Variants in CDC123 observed in about 807,000 individuals in gnomAD.
The protein encoded by CDC123 is cell division cycle 123, also known as translation initiation factor eIF2 assembly protein.
A neutral mutation model predicts 54.4 loss-of-function variants in CDC123; 37 were observed. The observed-to-expected ratio is 0.68, with a 90% CI of 0.52 to 0.89. The LOEUF is 0.89. Ranked by LOEUF, CDC123 falls within the 40% of genes least tolerant of loss-of-function variation. CDC123 has a pLI of 0.00. For synonymous variants in CDC123, 144 were observed against 136.8 expected, an observed-to-expected ratio of 1.05 and a Z score of -0.37; for missense variants, 361 against 412.1, an observed-to-expected ratio of 0.88 and a Z score of 1.07.
intron 2 of CDC123, among the ~76,000 whole-genome samples, chr10:12,204,497 T>C (rs1281649956): frequency 6.6e-6 from 1 of 152,204 alleles, no homozygotes; most frequent in African/African-American, 2.4e-5. Context: ...TTTTTAGTTT[T>C]TGTGGGTACA....
At chr10:12,249,227 A>G (rs1320681028) in intron 11 of CDC123, among the ~76,000 whole-genome samples, 1 of 151,926 alleles carries the variant, frequency 6.6e-6, no homozygotes. Context: ...GCTTCAGCTC[A>G]GGAGTTCAAG....
intron 10 of CDC123, 116 bp downstream of exon 10, chr10:12,238,601 TGCAGCA>T: frequency 7.9e-7 from 1 of 1,263,482 alleles, no homozygotes; most frequent in Non-Finnish European, 1.1e-6. Context: ...TTTGTCTGGG[TGCAGCA>T]GCTCATGCCT....
chr10:12,246,113 A>G (rs1564260501), intron 10 of CDC123, 36 bp from the exon 11 acceptor site: 1 of 1,602,864 alleles, frequency 6.2e-7, no homozygotes, highest in Non-Finnish European at 8.5e-7. Flanking sequence ...AGTACAGAAG[A>G]TGTTTGTTTT....
At chr10:12,235,792 G>A (rs1835970664) in intron 8 of CDC123, among the ~76,000 whole-genome samples, 2 of 152,196 alleles carry the variant, frequency 1.3e-5, no homozygotes, top group African/African-American at 4.8e-5. Flanking sequence ...GAAAGTTGGG[G>A]TGTTCACATT....
Position 12,250,551 on chromosome 10 carries a change from A to T in CDC123, c.*214A>T. 1.7e-6 allele frequency: 1 copy of T among 593,222 alleles called. No homozygotes were observed. Among genetic ancestry groups the T allele is most frequent in the Non-Finnish European group, 3.1e-6 (1 of 322,694 alleles). 36.7% of individuals were successfully genotyped at this position (593,222 alleles called of 1,614,324 possible). Reference sequence around the variant, plus strand: ...ATAAATAGATCTTAAACATAGGAAAACCATACTGTTCTGATAATAAAATGC... The same window carrying T: ...ATAAATAGATCTTAAACATAGGAAATCCATACTGTTCTGATAATAAAATGC... On this transcript the variant is annotated 3_prime_UTR_variant, in exon 13 of 13. Coordinates refer to ENST00000281141, the MANE Select transcript of CDC123 (RefSeq NM_006023.3).
At chr10:12,243,136 C>T (rs1180315212) in intron 10 of CDC123, among the ~76,000 whole-genome samples, 3 of 151,732 alleles carry the variant, frequency 2.0e-5, no homozygotes, top group Non-Finnish European at 4.4e-5. Context: ...CAGTGGCTCA[C>T]GCCTGTAATC....
At chr10:12,205,201 C>T (rs1588670033) in intron 2 of CDC123, among the ~76,000 whole-genome samples, 1 of 152,116 alleles carries the variant, frequency 6.6e-6, no homozygotes, top group Non-Finnish European at 1.5e-5. Context: ...GCTTACTTCA[C>T]TTAACATAAT....
At chr10:12,244,526 C>T (rs370479410) in intron 10 of CDC123, among the ~76,000 whole-genome samples, 7 of 152,182 alleles carry the variant, frequency 4.6e-5, no homozygotes, top group African/African-American at 1.7e-4. Flanking sequence ...CAGCACAGTG[C>T]CCCCAGCTCA....
In CDC123 at chr10:12,250,493, C is replaced by T. The variant is rs1209454954; in HGVS notation, c.*156C>T. On this transcript the variant is annotated 3_prime_UTR_variant, in exon 13 of 13. Coordinates refer to ENST00000281141, the MANE Select transcript of CDC123 (RefSeq NM_006023.3). ...ATGTACATTCACCTGGGGAAAAAAA[C>T]GGAGGGACTTTGCTACTTGTAAAAA... 5 of 706,866 alleles carry T rather than the reference C, an allele frequency of 7.1e-6. No individual in the cohort carries two copies. The highest frequency in any genetic ancestry group is 7.9e-6 in the Non-Finnish European group (3 of 380,300). The allele number at this position is 706,866 out of a possible 1,614,324, so 43.8% of individuals were successfully genotyped here.
intron 6 of CDC123, among the ~76,000 whole-genome samples, chr10:12,222,692 C>G (rs1429223250): frequency 2.0e-5 from 3 of 152,056 alleles, no homozygotes; most frequent in Non-Finnish European, 4.4e-5. Flanking sequence ...CTCTGAGGGG[C>G]TCATGATGAA....
chr10:12,233,278 T>TACACAC (rs57596982), intron 7 of CDC123, among the ~76,000 whole-genome samples: 10,114 of 145,574 alleles, frequency 0.069, 370 homozygotes, highest in South Asian at 0.12. Context: ...GTATTTAAAA[T>TACACAC]ACACACACAC....
At position 12,223,235 on chromosome 10, in the gene CDC123, G is replaced by A. The variant is rs568090670; in HGVS notation, c.440+5768G>A. Reference sequence around the variant, plus strand: ...GTGTGCAAAATATTTGGAACAGCACGAGAGAAACGGTGTGTTGATTATAAT... The same window carrying A: ...GTGTGCAAAATATTTGGAACAGCACAAGAGAAACGGTGTGTTGATTATAAT... On this transcript the variant is annotated intron_variant, in intron 6 of 12. Coordinates refer to ENST00000281141, the MANE Select transcript of CDC123 (RefSeq NM_006023.3). Among the ~76,000 whole-genome samples, 4 of 152,126 alleles carry A rather than the reference G, an allele frequency of 2.6e-5. No homozygotes were observed. The South Asian group carries it at 8.3e-4, about 32-fold the overall frequency.
At chr10:12,202,120 T>G (rs1835447910) in intron 2 of CDC123, among the ~76,000 whole-genome samples, 1 of 152,160 alleles carries the variant, frequency 6.6e-6, no homozygotes, top group South Asian at 2.1e-4. Flanking sequence ...AAATTTTAAG[T>G]ATAATTTAAA....
chr10:12,249,127 C>CAAA (rs58244020), intron 11 of CDC123, among the ~76,000 whole-genome samples: 5 of 133,970 alleles, frequency 3.7e-5, no homozygotes, highest in East Asian at 2.2e-4. Flanking sequence ...GACTTTGCCT[C>CAAA]AAAAAAAAAA....
At chr10:12,213,004 A>G (rs562845317) in intron 4 of CDC123, among the ~76,000 whole-genome samples, 2 of 152,318 alleles carry the variant, frequency 1.3e-5, no homozygotes, top group Admixed American at 6.5e-5. Flanking sequence ...ATAAGTGGGG[A>G]AAAAAGGAAG....
At chr10:12,233,260 G>T (rs915418721) in intron 7 of CDC123, among the ~76,000 whole-genome samples, 3 of 145,388 alleles carry the variant, frequency 2.1e-5, no homozygotes, top group Non-Finnish European at 4.5e-5. Flanking sequence ...ATTTTCTCCT[G>T]TCTGTGTGTA....
intron 2 of CDC123, among the ~76,000 whole-genome samples, chr10:12,205,085 T>A (rs1158718136): frequency 6.6e-6 from 1 of 151,980 alleles, no homozygotes; most frequent in Non-Finnish European, 1.5e-5. Context: ...CCTACTACCC[T>A]TCACAGCCTT....
intron 6 of CDC123, among the ~76,000 whole-genome samples, chr10:12,227,069 C>T (rs895967003): frequency 6.6e-6 from 1 of 152,178 alleles, no homozygotes; most frequent in Non-Finnish European, 1.5e-5. Flanking sequence ...GCCCCACCAA[C>T]ACGGCAAAAC....
chr10:12,233,317 T>A (rs78626737), intron 7 of CDC123, among the ~76,000 whole-genome samples: 32 of 108,470 alleles, frequency 3.0e-4, no homozygotes, highest in East Asian at 2.4e-3. Context: ...ACACACACAC[T>A]CTCTGTCTCT....
Sources: allele counts gnomAD v4.1 joint callset (sites outside exome capture counted in the v4.1 genomes callset), GRCh38; gene constraint gnomAD v4.1.1; transcripts MANE v1.5; gene names NCBI Gene and HGNC (gene_info 2026-07-23, HGNC 2026-07-21).